PIK3C2G: variants seen among roughly 807,000 people sequenced by gnomAD.
PIK3C2G encodes the protein phosphatidylinositol-4-phosphate 3-kinase catalytic subunit type 2 gamma.
In PIK3C2G, 168 loss-of-function variants were observed where a neutral mutation model predicts 181.1. The observed-to-expected ratio is 0.93, with a 90% CI of 0.82 to 1.05. The LOEUF (loss-of-function observed/expected upper bound fraction) is 1.05. Ranked by LOEUF, PIK3C2G falls within the 50% of genes least tolerant of loss-of-function variation. The probability of loss-of-function intolerance (pLI) is 0.00; values close to 1 mark genes in which losing one functional copy is unlikely to be tolerated. For synonymous variants in PIK3C2G, 573 were observed against 592.2 expected (o/e 0.97, Z 0.47); for missense variants, 1,869 against 1,732.8 (o/e 1.08, Z -1.40).
chr12:18,684,321 A>G, the PIK3C2G span: 6 of 1,537,274 alleles, frequency 3.9e-6, no homozygotes, highest in Admixed American at 7.0e-5. Context: ...AATAGATACC[A>G]TATCTAGGAA....
chr12:18,578,066 C>T (rs1451707045), intron 29 of PIK3C2G, among the ~76,000 whole-genome samples: 2 of 152,030 alleles, frequency 1.3e-5, no homozygotes, highest in East Asian at 3.9e-4. Flanking sequence ...TGTTCAGAGC[C>T]CCATCCTTAA....
intron 24 of PIK3C2G, among the ~76,000 whole-genome samples, chr12:18,532,996 A>C (rs2136223031): frequency 6.6e-6 from 1 of 152,098 alleles, no homozygotes; most frequent in South Asian, 2.1e-4. Context: ...GAGGCAAAAA[A>C]GAAAACCCAG....
chr12:18,411,913 A>G (rs541265260), intron 16 of PIK3C2G, among the ~76,000 whole-genome samples: 1 of 152,302 alleles, frequency 6.6e-6, no homozygotes, highest in Admixed American at 6.5e-5. Flanking sequence ...CCCTTTTCAA[A>G]CTAGAAAAGA....
At chr12:18,658,746 C>T in the PIK3C2G span, among the ~76,000 whole-genome samples, 2 of 152,020 alleles carry the variant, frequency 1.3e-5, no homozygotes, top group African/African-American at 4.8e-5. Context: ...GAAGGTTTTA[C>T]ATATTCTATT....
At chr12:18,488,391 A>T in intron 18 of PIK3C2G, 58 bp from the exon 19 acceptor site, 1 of 1,190,560 alleles carries the variant, frequency 8.4e-7, no homozygotes, top group African/African-American at 1.6e-5. Flanking sequence ...TTCCGGCTGG[A>T]TGTGGTTTAA....
chr12:18,660,383 C>T, the PIK3C2G span, among the ~76,000 whole-genome samples: 2 of 152,114 alleles, frequency 1.3e-5, no homozygotes, highest in Non-Finnish European at 2.9e-5. Context: ...TTTGTTGCAA[C>T]TCCTCCTTTG....
chr12:18,657,014 ATC>A, the PIK3C2G span, among the ~76,000 whole-genome samples: 1 of 152,068 alleles, frequency 6.6e-6, no homozygotes, highest in Non-Finnish European at 1.5e-5. Flanking sequence ...AGTAAAATAG[ATC>A]TCATTCTGAC....
At chr12:18,705,277 G>A in the PIK3C2G span, 2 of 1,613,974 alleles carry the variant, frequency 1.2e-6, no homozygotes, top group African/African-American at 2.7e-5. Context: ...CAGTGGAGCA[G>A]TGATTTTCTA....
At chr12:18,327,513 C>A (rs369390278) in intron 8 of PIK3C2G, among the ~76,000 whole-genome samples, 1 of 151,878 alleles carries the variant, frequency 6.6e-6, no homozygotes, top group Non-Finnish European at 1.5e-5. Context: ...ATTATTATTT[C>A]AACATATTTT....
intron 15 of PIK3C2G, among the ~76,000 whole-genome samples, chr12:18,395,831 AT>A (rs1381358552): frequency 6.6e-6 from 1 of 151,482 alleles, no homozygotes; most frequent in Non-Finnish European, 1.5e-5. Flanking sequence ...AACAAAGGAT[AT>A]TTTAATCTCT....
chr12:18,512,315 G>A (rs1001292685), intron 24 of PIK3C2G, among the ~76,000 whole-genome samples: 2 of 151,626 alleles, frequency 1.3e-5, no homozygotes, highest in African/African-American at 2.4e-5. Flanking sequence ...GTGGTTCCAT[G>A]ATAAGGATTG....
intron 8 of PIK3C2G, among the ~76,000 whole-genome samples, chr12:18,333,211 G>GA (rs1209968116): frequency 6.6e-6 from 1 of 152,060 alleles, no homozygotes; most frequent in Non-Finnish European, 1.5e-5. Context: ...GCGGGGTTCA[G>GA]AAAAAGTTAT....
At chr12:18,555,635 C>T (rs1944968458) in intron 26 of PIK3C2G, among the ~76,000 whole-genome samples, 1 of 152,070 alleles carries the variant, frequency 6.6e-6, no homozygotes, top group East Asian at 1.9e-4. Context: ...TTATAGGTCC[C>T]TTTAGACTAT....
the PIK3C2G span, among the ~76,000 whole-genome samples, chr12:18,692,240 A>G: frequency 6.6e-6 from 1 of 152,168 alleles, no homozygotes; most frequent in African/African-American, 2.4e-5. Flanking sequence ...TGGTTTATAC[A>G]GTTCTAGGAG....
intron 11 of PIK3C2G, among the ~76,000 whole-genome samples, chr12:18,360,883 T>C (rs1187839147): frequency 6.6e-6 from 1 of 152,190 alleles, no homozygotes; most frequent in Non-Finnish European, 1.5e-5. Context: ...ATCCAGTGGG[T>C]TTCCTGAATC....
intron 29 of PIK3C2G, among the ~76,000 whole-genome samples, chr12:18,592,468 G>T (rs1177380693): frequency 6.6e-6 from 1 of 151,914 alleles, no homozygotes; most frequent in Non-Finnish European, 1.5e-5. Context: ...ATATATGTAT[G>T]TAGTTTTTAA....
At chr12:18,717,811 C>A in the PIK3C2G span, among the ~76,000 whole-genome samples, 1 of 152,150 alleles carries the variant, frequency 6.6e-6, no homozygotes, top group African/African-American at 2.4e-5. Context: ...TGGTCCCCAA[C>A]ATATGATGGT....
At chr12:18,665,646 A>G in the PIK3C2G span, among the ~76,000 whole-genome samples, 1 of 152,086 alleles carries the variant, frequency 6.6e-6, no homozygotes, top group South Asian at 2.1e-4. Flanking sequence ...TACAAAAATT[A>G]GCCTGGCGGT....
intron 24 of PIK3C2G, among the ~76,000 whole-genome samples, chr12:18,522,869 T>C (rs903329362): frequency 4.6e-5 from 7 of 152,218 alleles, no homozygotes; most frequent in African/African-American, 1.4e-4. Context: ...CTCCTACTAT[T>C]TGAAGGTTAG....
Sources: gnomAD v4.1 joint callset for allele counts (sites outside exome capture counted in the v4.1 genomes callset) on GRCh38, gnomAD v4.1.1 for gene constraint, MANE v1.5 for transcripts, NCBI Gene and HGNC (gene_info 2026-07-23, HGNC 2026-07-21) for gene names.